Variants in LRP1B observed in about 807,000 individuals in gnomAD.
The protein encoded by LRP1B is LDL receptor related protein 1B, also known as low-density lipoprotein receptor-related protein 1B.
In LRP1B, 217 loss-of-function variants were observed where a neutral mutation model predicts 556.6. The ratio of observed to expected loss-of-function variants is 0.39; its 90% CI spans 0.35 to 0.44. The LOEUF (loss-of-function observed/expected upper bound fraction) is 0.44. Ranked by LOEUF, LRP1B falls within the 20% of genes least tolerant of loss-of-function variation. The pLI is 1.00. For missense variants in LRP1B, 5,053 were observed against 5,620.8 expected, an observed-to-expected ratio of 0.90 and a Z score of 3.23; for synonymous variants, 2,047 against 1,865.8, an observed-to-expected ratio of 1.10 and a Z score of -2.50.
At chr2:141,848,716 T>C (rs767760613) in intron 1 of LRP1B, among the ~76,000 whole-genome samples, 1 of 151,540 alleles carries the variant, frequency 6.6e-6, no homozygotes, top group Non-Finnish European at 1.5e-5. Flanking sequence ...ATGAGAGATA[T>C]ATGAAAAGAA....
intron 32 of LRP1B, among the ~76,000 whole-genome samples, chr2:140,786,283 A>C (rs1689897532): frequency 6.6e-6 from 1 of 152,258 alleles, no homozygotes; most frequent in Non-Finnish European, 1.5e-5. Flanking sequence ...AACATGGAAG[A>C]AAATAACTAA....
At chr2:140,288,498 A>G (rs896740479) in intron 84 of LRP1B, among the ~76,000 whole-genome samples, 3 of 151,888 alleles carry the variant, frequency 2.0e-5, no homozygotes, top group African/African-American at 7.2e-5. Context: ...TTACATTTGA[A>G]CTTTTAAAAG....
intron 35 of LRP1B, among the ~76,000 whole-genome samples, chr2:140,736,735 T>C (rs1035905670): frequency 6.6e-6 from 1 of 152,130 alleles, no homozygotes; most frequent in Non-Finnish European, 1.5e-5. Flanking sequence ...ATGTTAGACC[T>C]AAAACCATAA....
At chr2:141,552,531 C>T (rs1185974255) in intron 2 of LRP1B, among the ~76,000 whole-genome samples, 2 of 152,044 alleles carry the variant, frequency 1.3e-5, no homozygotes, top group African/African-American at 4.8e-5. Context: ...TTACCAGCTA[C>T]ATGAGATTCT....
chr2:140,669,828 A>G (rs1478788400), intron 41 of LRP1B, among the ~76,000 whole-genome samples: 1 of 152,104 alleles, frequency 6.6e-6, no homozygotes, highest in African/African-American at 2.4e-5. Flanking sequence ...CTTATACAAT[A>G]TTTCACTCAC....
intron 3 of LRP1B, among the ~76,000 whole-genome samples, chr2:141,405,852 TA>T (rs1317410794): frequency 6.6e-6 from 1 of 152,120 alleles, no homozygotes; most frequent in African/African-American, 2.4e-5. Context: ...TAGTAAAACA[TA>T]ACTGTGTCAA....
chr2:141,971,306 T>A (rs954588884), intron 1 of LRP1B, among the ~76,000 whole-genome samples: 1 of 151,392 alleles, frequency 6.6e-6, no homozygotes, highest in Non-Finnish European at 1.5e-5. Context: ...GAAAAAAGTA[T>A]CCCCTAAAGG....
intron 3 of LRP1B, among the ~76,000 whole-genome samples, chr2:141,272,729 T>G (rs1685133434): frequency 6.6e-6 from 1 of 151,890 alleles, no homozygotes; most frequent in Non-Finnish European, 1.5e-5. Context: ...TAAAGACATT[T>G]TACAACAATG....
intron 77 of LRP1B, among the ~76,000 whole-genome samples, chr2:140,342,609 G>A (rs1426771545): frequency 5.9e-5 from 9 of 151,502 alleles, no homozygotes; most frequent in Admixed American, 2.0e-4. Context: ...TTTAAAATAT[G>A]TTAATGGTGC....
intron 52 of LRP1B, among the ~76,000 whole-genome samples, chr2:140,507,366 G>C (rs1689462830): frequency 6.6e-6 from 1 of 152,068 alleles, no homozygotes; most frequent in Non-Finnish European, 1.5e-5. Flanking sequence ...TGTTCATAAA[G>C]GAAGTGAAAA....
intron 1 of LRP1B, among the ~76,000 whole-genome samples, chr2:141,992,901 G>A (rs1702386870): frequency 1.3e-5 from 2 of 152,092 alleles, no homozygotes; most frequent in South Asian, 4.1e-4. Context: ...CTAAATCACT[G>A]TAATTTCAGC....
At chr2:141,532,191 C>T (rs1303897664) in intron 2 of LRP1B, among the ~76,000 whole-genome samples, 3 of 152,028 alleles carry the variant, frequency 2.0e-5, no homozygotes, top group African/African-American at 7.2e-5. Flanking sequence ...ATTGGTTTTA[C>T]ATTTAAATAA....
At chr2:141,805,062 G>A (rs74932578) in intron 2 of LRP1B, among the ~76,000 whole-genome samples, 12 of 152,158 alleles carry the variant, frequency 7.9e-5, no homozygotes, top group African/African-American at 2.6e-4. Context: ...AAAGCAAAAG[G>A]TCTTGTTGAC....
chr2:141,433,753 T>G (rs570369442), intron 3 of LRP1B, among the ~76,000 whole-genome samples: 1 of 152,034 alleles, frequency 6.6e-6, no homozygotes, highest in African/African-American at 2.4e-5. Context: ...TCTCTTTGCA[T>G]TTTTCCTACA....
intron 3 of LRP1B, among the ~76,000 whole-genome samples, chr2:141,376,129 C>A (rs112022397): frequency 1.3e-5 from 2 of 152,144 alleles, no homozygotes; most frequent in African/African-American, 4.8e-5. Flanking sequence ...CTGTAGATCC[C>A]TGGTATCTAG....
At chr2:140,291,481 C>A (rs1464307898) in intron 84 of LRP1B, among the ~76,000 whole-genome samples, 1 of 151,204 alleles carries the variant, frequency 6.6e-6, no homozygotes, top group Non-Finnish European at 1.5e-5. Context: ...CCACAACAGG[C>A]CCCGGTGTGT....
At chr2:140,494,986 T>C (rs1281752935) in intron 56 of LRP1B, among the ~76,000 whole-genome samples, 1 of 152,148 alleles carries the variant, frequency 6.6e-6, no homozygotes, top group African/African-American at 2.4e-5. Context: ...TATCTGTGAT[T>C]TCTCTCCTAA....
In LRP1B at chr2:140,385,943, C is replaced by A. The variant is rs766791201; in HGVS notation, c.10481G>T (p.Arg3494Leu). 6.2e-7 allele frequency: 1 copy of A among 1,613,564 alleles called. No homozygotes were observed. The highest frequency in any genetic ancestry group is 1.7e-5 in the Admixed American group (1 of 59,982). The change falls in exon 67 of 91, where the codon CGG (arginine) becomes CTG (leucine). Residue 3494 changes from arginine to leucine, a missense_variant. Coordinates refer to ENST00000389484, the MANE Select transcript of LRP1B (RefSeq NM_018557.3). ...ACTGCAGTCATTTTGGCTATCACAC[C>A]GCCAGTGATCGGGAATACAGTTGTT... ...KNNNCIPDHW[R>L]CDSQNDCSDN...
intron 37 of LRP1B, among the ~76,000 whole-genome samples, chr2:140,707,062 A>G (rs1025051202): frequency 6.6e-6 from 1 of 152,146 alleles, no homozygotes; most frequent in Non-Finnish European, 1.5e-5. Context: ...GAAAAGCAAG[A>G]CTAGTTGGCA....
Sources: allele counts gnomAD v4.1 joint callset (sites outside exome capture counted in the v4.1 genomes callset), GRCh38; gene constraint gnomAD v4.1.1; transcripts MANE v1.5; gene names NCBI Gene and HGNC (gene_info 2026-07-23, HGNC 2026-07-21).